Variants in SLC24A2 observed in about 807,000 individuals in gnomAD.
SLC24A2 encodes sodium/potassium/calcium exchanger 2.
SLC24A2 carries 36 observed loss-of-function variants against 62.0 expected under a neutral mutation model. The observed-to-expected ratio is 0.58, with a 90% CI of 0.44 to 0.77. SLC24A2 has a LOEUF of 0.77. Ranked by LOEUF, SLC24A2 falls within the 30% of genes least tolerant of loss-of-function variation. The pLI is 0.00. For synonymous variants in SLC24A2, 358 were observed against 294.0 expected (o/e 1.22, Z -2.23); for missense variants, 846 against 817.9 (o/e 1.03, Z -0.42).
At chr9:20,274,797 A>G in the SLC24A2 span, among the ~76,000 whole-genome samples, 1 of 152,044 alleles carries the variant, frequency 6.6e-6, no homozygotes, top group East Asian at 1.9e-4. Flanking sequence ...CTTGGGGATG[A>G]AGAAACTCTG....
At chr9:20,263,851 T>C in the SLC24A2 span, among the ~76,000 whole-genome samples, 1 of 37,424 alleles carries the variant, frequency 2.7e-5, no homozygotes, top group African/African-American at 2.2e-4. Context: ...CCCTCCTGGA[T>C]ATCCCACCCG....
chr9:19,905,088 A>G, the SLC24A2 span, among the ~76,000 whole-genome samples: 2 of 152,186 alleles, frequency 1.3e-5, no homozygotes, highest in Non-Finnish European at 2.9e-5. Flanking sequence ...CAATTAATAG[A>G]TAAAGTACCA....
intron 2 of SLC24A2, among the ~76,000 whole-genome samples, chr9:19,648,115 G>C (rs1251240722): frequency 1.3e-5 from 2 of 152,230 alleles, no homozygotes; most frequent in Non-Finnish European, 2.9e-5. Context: ...ATAGTAGGCA[G>C]TGGGCAATCA....
At chr9:19,907,439 T>C in the SLC24A2 span, among the ~76,000 whole-genome samples, 7 of 152,136 alleles carry the variant, frequency 4.6e-5, no homozygotes, top group South Asian at 2.1e-4. Context: ...CCCTCTCTCA[T>C]CACTCCTATT....
the SLC24A2 span, among the ~76,000 whole-genome samples, chr9:19,850,973 ATATATATATATG>A: frequency 0.011 from 514 of 47,792 alleles, 15 homozygotes; most frequent in East Asian, 0.052. Context: ...ATATGTATAT[ATATATATATATG>A]TATATATATA....
At chr9:19,661,340 A>G (rs1250116829) in intron 2 of SLC24A2, among the ~76,000 whole-genome samples, 1 of 152,158 alleles carries the variant, frequency 6.6e-6, no homozygotes, top group Non-Finnish European at 1.5e-5. Flanking sequence ...GTTGTTGTAG[A>G]GTATGAATCC....
At position 19,577,029 on chromosome 9, in the gene SLC24A2, C is replaced by T. The variant is rs1836036381; in HGVS notation, c.1130-7G>A. The T allele has an allele frequency of 6.2e-7, 1 of 1,611,474 alleles. No homozygotes were observed. The highest frequency in any genetic ancestry group is 1.1e-5 in the South Asian group (1 of 91,034). ...GCCTTTTCTCTGAACCTCCCTGAAG[C>T]AAAAGAAAGTGGCAGGAAGGAGACA... On this transcript the variant is annotated splice_region_variant and splice_polypyrimidine_tract_variant and intron_variant, in intron 5 of 10. Coordinates refer to ENST00000341998, the MANE Select transcript of SLC24A2 (RefSeq NM_020344.4).
Position 19,521,028 on chromosome 9 carries a change from A to T in SLC24A2, c.1602T>A (p.Ile534=). ...CAGCAGCCAAGATGGTCAGGCCCAT[A>T]ATCTCTTCACTGATGCCAATTGTCT... ...VGETIGISEE[I]MGLTILAAGT... The change falls in exon 10 of 11, where the codon ATT becomes ATA. Residue 534 remains isoleucine (I), a synonymous_variant. Coordinates refer to ENST00000341998, the MANE Select transcript of SLC24A2 (RefSeq NM_020344.4). The T allele has an allele frequency of 6.2e-7, 1 of 1,614,120 alleles. No individual in the cohort carries two copies. The highest frequency in any genetic ancestry group is 8.5e-7 in the Non-Finnish European group (1 of 1,179,988).
At chr9:20,058,243 G>A in the SLC24A2 span, among the ~76,000 whole-genome samples, 1 of 152,062 alleles carries the variant, frequency 6.6e-6, no homozygotes, top group African/African-American at 2.4e-5. Context: ...GTCAGATCAA[G>A]GTCTTTCAAG....
At chr9:20,142,630 T>C in the SLC24A2 span, among the ~76,000 whole-genome samples, 1 of 152,140 alleles carries the variant, frequency 6.6e-6, no homozygotes, top group African/African-American at 2.4e-5. Context: ...GGAGTCTCAC[T>C]CTGCAGCCTG....
At chr9:19,866,630 T>C in the SLC24A2 span, among the ~76,000 whole-genome samples, 643 of 46,610 alleles carry the variant, frequency 0.014, 6 homozygotes, top group Non-Finnish European at 0.021. Context: ...TTTCACTTTT[T>C]TTTTTTTTTT....
At chr9:20,170,945 A>C in the SLC24A2 span, among the ~76,000 whole-genome samples, 1 of 152,008 alleles carries the variant, frequency 6.6e-6, no homozygotes, top group African/African-American at 2.4e-5. Flanking sequence ...GAAGAGGAAA[A>C]GAATCTTAAG....
the SLC24A2 span, among the ~76,000 whole-genome samples, chr9:20,158,468 G>A: frequency 1.3e-5 from 2 of 151,644 alleles, no homozygotes; most frequent in East Asian, 3.9e-4. Context: ...TGCCATTTGA[G>A]GACACATAGA....
At chr9:20,004,594 A>G in the SLC24A2 span, among the ~76,000 whole-genome samples, 1 of 152,238 alleles carries the variant, frequency 6.6e-6, no homozygotes, top group Non-Finnish European at 1.5e-5. Flanking sequence ...ATTTCACCAT[A>G]TACAGATGTA....
chr9:20,104,960 G>A, the SLC24A2 span, among the ~76,000 whole-genome samples: 1 of 152,188 alleles, frequency 6.6e-6, no homozygotes, highest in East Asian at 1.9e-4. Context: ...CCCATCTCAT[G>A]TGCAGAGACA....
the SLC24A2 span, among the ~76,000 whole-genome samples, chr9:19,977,967 G>C: frequency 6.6e-6 from 1 of 152,108 alleles, no homozygotes; most frequent in African/African-American, 2.4e-5. Context: ...GTGATGGCTA[G>C]GATTTTCTCC....
At chr9:19,884,074 G>A in the SLC24A2 span, among the ~76,000 whole-genome samples, 1 of 152,148 alleles carries the variant, frequency 6.6e-6, no homozygotes, top group African/African-American at 2.4e-5. Flanking sequence ...ACGAATGGTT[G>A]ATATGCCTAC....
intron 9 of SLC24A2, among the ~76,000 whole-genome samples, chr9:19,521,840 G>A (rs1247893624): frequency 6.6e-6 from 1 of 151,764 alleles, no homozygotes; most frequent in Non-Finnish European, 1.5e-5. Context: ...GAAAAGCAAG[G>A]GGAGGGTGGC....
At chr9:20,248,777 T>A in the SLC24A2 span, among the ~76,000 whole-genome samples, 1 of 152,220 alleles carries the variant, frequency 6.6e-6, no homozygotes, top group Non-Finnish European at 1.5e-5. Context: ...ACTATCCAAC[T>A]GCAAATCCTG....
Sources: allele counts gnomAD v4.1 joint callset (sites outside exome capture counted in the v4.1 genomes callset), GRCh38; gene constraint gnomAD v4.1.1; transcripts MANE v1.5; gene names NCBI Gene and HGNC (gene_info 2026-07-23, HGNC 2026-07-21).